Variants in LPAR3 observed in about 807,000 individuals in gnomAD.
The protein encoded by LPAR3 is LPA receptor 3.
A neutral mutation model predicts 17.8 loss-of-function variants in LPAR3; 7 were observed. The ratio of observed to expected loss-of-function variants is 0.39; its 90% CI spans 0.22 to 0.74. The LOEUF is 0.74. LPAR3 is among the 30% of genes least tolerant of loss of function. The probability of loss-of-function intolerance (pLI) is 0.40; values close to 1 mark genes in which losing one functional copy is unlikely to be tolerated. For synonymous variants in LPAR3, 179 were observed against 179.9 expected (o/e 0.99, Z 0.04); for missense variants, 391 against 453.4 (o/e 0.86, Z 1.25).
intron 2 of LPAR3, among the ~76,000 whole-genome samples, chr1:84,828,879 C>T (rs1402975472): frequency 6.6e-6 from 1 of 152,198 alleles, no homozygotes; most frequent in Non-Finnish European, 1.5e-5. Flanking sequence ...TACGACATTG[C>T]TGTCCAAGGA....
chr1:84,858,253 G>A (rs1659866705), intron 2 of LPAR3, among the ~76,000 whole-genome samples: 1 of 152,210 alleles, frequency 6.6e-6, no homozygotes, highest in East Asian at 1.9e-4. Context: ...AGGCCGAGAT[G>A]GGCAGATCAC....
chr1:84,869,736 A>G (rs1660122524), intron 1 of LPAR3, among the ~76,000 whole-genome samples: 1 of 152,222 alleles, frequency 6.6e-6, no homozygotes. Flanking sequence ...AGAAGCATAT[A>G]TTCTACTTAA....
At chr1:84,859,127 T>C (rs1659886047) in intron 2 of LPAR3, among the ~76,000 whole-genome samples, 1 of 152,192 alleles carries the variant, frequency 6.6e-6, no homozygotes. Context: ...AGGATTTCCA[T>C]GAGACCAAAG....
At chr1:84,854,047 C>T (rs963195447) in intron 2 of LPAR3, among the ~76,000 whole-genome samples, 1 of 152,212 alleles carries the variant, frequency 6.6e-6, no homozygotes, top group African/African-American at 2.4e-5. Flanking sequence ...TGCCTAGTCT[C>T]TCTTAGATAT....
intron 2 of LPAR3, among the ~76,000 whole-genome samples, chr1:84,838,256 C>T (rs1011269273): frequency 2.0e-5 from 3 of 152,174 alleles, no homozygotes; most frequent in Non-Finnish European, 4.4e-5. Context: ...TGCATGAATG[C>T]TAAGAAAACT....
chr1:84,855,797 G>A (rs188744828), intron 2 of LPAR3, among the ~76,000 whole-genome samples: 5 of 152,128 alleles, frequency 3.3e-5, no homozygotes, highest in Non-Finnish European at 5.9e-5. Context: ...AAACAGTGGC[G>A]TGGGGGGAAA....
intron 2 of LPAR3, among the ~76,000 whole-genome samples, chr1:84,845,853 TA>T (rs1659586369): frequency 2.6e-5 from 4 of 152,198 alleles, no homozygotes; most frequent in African/African-American, 9.6e-5. Flanking sequence ...AAGTATACTT[TA>T]TCCACTGGGA....
chr1:84,870,650 T>C (rs906486768), intron 1 of LPAR3, among the ~76,000 whole-genome samples: 13 of 152,186 alleles, frequency 8.5e-5, no homozygotes, highest in South Asian at 2.1e-4. Context: ...GCATTTTACA[T>C]GGATTATCTC....
Position 84,813,772 on chromosome 1 carries a change from G to T in LPAR3, c.*74C>A. 6 of 1,218,432 alleles carry T rather than the reference G, an allele frequency of 4.9e-6. No individual in the cohort carries two copies. In the South Asian group the frequency reaches 5.5e-5, roughly 11 times the overall value. The allele number at this position is 1,218,432 out of a possible 1,614,324, so 75.5% of individuals were successfully genotyped here. Reference sequence around the variant, plus strand: ...TCAAATAACACTGTACATGGGCTTTGTTAGAGACAGGTAATCATTCTTAAC... The same window carrying T: ...TCAAATAACACTGTACATGGGCTTTTTTAGAGACAGGTAATCATTCTTAAC... On this transcript the variant is annotated 3_prime_UTR_variant, in exon 3 of 3. Transcript: ENST00000370611.
intron 1 of LPAR3, among the ~76,000 whole-genome samples, chr1:84,872,816 G>A (rs1372124502): frequency 2.6e-5 from 4 of 152,118 alleles, no homozygotes; most frequent in Admixed American, 2.0e-4. Flanking sequence ...AGAGAAACTT[G>A]ACAAACACTA....
At chr1:84,847,937 G>C (rs1043150848) in intron 2 of LPAR3, among the ~76,000 whole-genome samples, 6 of 152,194 alleles carry the variant, frequency 3.9e-5, no homozygotes, top group Non-Finnish European at 5.9e-5. Flanking sequence ...CCCCTTCCTT[G>C]TTGGCTCCTG....
rs954053163 is a variant in LPAR3 at position 84,813,840 on chromosome 1, C to T, written c.*6G>A. On this transcript the variant is annotated 3_prime_UTR_variant, in exon 3 of 3. Transcript: ENST00000370611. ...AGGCCTGGGTGGGCCGAGAGGCATC[C>T]AGAGTTTAGGAAGTGCTTTTATTGC... 3 of 1,609,204 alleles carry T rather than the reference C, an allele frequency of 1.9e-6. No homozygotes were observed. The highest frequency in any genetic ancestry group is 2.2e-5 in the East Asian group (1 of 44,768).
At chr1:84,841,056 AAC>A (rs1159220046) in intron 2 of LPAR3, among the ~76,000 whole-genome samples, 2 of 152,208 alleles carry the variant, frequency 1.3e-5, no homozygotes, top group African/African-American at 4.8e-5. Context: ...TTCCTTGTGA[AAC>A]AGTTACCAGA....
At chr1:84,853,302 T>C (rs1423824441) in intron 2 of LPAR3, among the ~76,000 whole-genome samples, 1 of 151,956 alleles carries the variant, frequency 6.6e-6, no homozygotes, top group Non-Finnish European at 1.5e-5. Context: ...AGTGAAAAGC[T>C]AGGATGGTAA....
intron 1 of LPAR3, among the ~76,000 whole-genome samples, chr1:84,890,476 T>C (rs1660532855): frequency 6.6e-6 from 1 of 152,214 alleles, no homozygotes; most frequent in Admixed American, 6.5e-5. Context: ...GGGAGATGGA[T>C]ATAATCTTCA....
At chr1:84,888,040 C>T (rs1660490917) in intron 1 of LPAR3, among the ~76,000 whole-genome samples, 1 of 144,862 alleles carries the variant, frequency 6.9e-6, no homozygotes, top group Non-Finnish European at 1.5e-5. Context: ...AGAGTGCTTG[C>T]TTTTTTTTTT....
chr1:84,890,556 G>C (rs1287380788), intron 1 of LPAR3, among the ~76,000 whole-genome samples: 1 of 152,168 alleles, frequency 6.6e-6, no homozygotes, highest in African/African-American at 2.4e-5. Flanking sequence ...AGCTTGGACT[G>C]GAACAAAAGC....
At chr1:84,845,932 G>A (rs909017918) in intron 2 of LPAR3, among the ~76,000 whole-genome samples, 3 of 152,058 alleles carry the variant, frequency 2.0e-5, no homozygotes, top group African/African-American at 4.8e-5. Context: ...CAAACACAGC[G>A]ACAGGACACG....
chr1:84,860,148 A>G (rs530078573), intron 2 of LPAR3, among the ~76,000 whole-genome samples: 9 of 152,322 alleles, frequency 5.9e-5, no homozygotes, highest in East Asian at 1.9e-4. Context: ...AAACGGGAAC[A>G]TGATGCCTTG....
Sources: allele counts gnomAD v4.1 joint callset (sites outside exome capture counted in the v4.1 genomes callset), GRCh38; gene constraint gnomAD v4.1.1; transcripts MANE v1.5; gene names NCBI Gene and HGNC (gene_info 2026-07-23, HGNC 2026-07-21).